The following RSPO2 variants were observed in gnomAD, a reference collection of about 807,000 sequenced individuals.
RSPO2 encodes the protein R-spondin-2.
In RSPO2, 14 loss-of-function variants were observed where a neutral mutation model predicts 30.9. That is an observed-to-expected ratio of 0.45 (90% CI 0.30 to 0.71). The LOEUF is 0.71. RSPO2 is among the 30% of genes least tolerant of loss of function. The probability of loss-of-function intolerance (pLI) is 0.08; values close to 1 mark genes in which losing one functional copy is unlikely to be tolerated. For synonymous variants in RSPO2, 107 were observed against 96.4 expected (o/e 1.11, Z -0.64); for missense variants, 264 against 301.9 (o/e 0.87, Z 0.93).
At chr8:107,999,615 A>C (rs1413410272) in intron 2 of RSPO2, among the ~76,000 whole-genome samples, 2 of 151,998 alleles carry the variant, frequency 1.3e-5, no homozygotes, top group Non-Finnish European at 2.9e-5. Flanking sequence ...TTGTATTTTT[A>C]GTAGAGACAA....
At chr8:108,074,945 A>C (rs866294621) in intron 2 of RSPO2, among the ~76,000 whole-genome samples, 1 of 152,274 alleles carries the variant, frequency 6.6e-6, no homozygotes, top group Middle Eastern at 3.4e-3. Flanking sequence ...CTTGTTCTAA[A>C]ATACACACAC....
chr8:107,915,970 C>T (rs1324923513), intron 5 of RSPO2, among the ~76,000 whole-genome samples: 2 of 152,044 alleles, frequency 1.3e-5, no homozygotes, highest in Admixed American at 6.6e-5. Context: ...GCTTTCCTGG[C>T]CCTGTTCTCC....
chr8:108,006,039 T>C (rs567671356), intron 2 of RSPO2, among the ~76,000 whole-genome samples: 6 of 152,154 alleles, frequency 3.9e-5, no homozygotes, highest in Non-Finnish European at 8.8e-5. Flanking sequence ...CTTTTTAGAA[T>C]AGCATACAGA....
At chr8:107,995,217 C>A (rs932579198) in intron 2 of RSPO2, among the ~76,000 whole-genome samples, 2 of 152,066 alleles carry the variant, frequency 1.3e-5, no homozygotes, top group African/African-American at 4.8e-5. Flanking sequence ...ACTTGAAAAC[C>A]TATCTATGCT....
chr8:107,951,187 C>T (rs1403903007), intron 5 of RSPO2, among the ~76,000 whole-genome samples: 1 of 151,932 alleles, frequency 6.6e-6, no homozygotes, highest in East Asian at 1.9e-4. Context: ...TCCCAAGTAG[C>T]TGGGATCACA....
At position 107,928,838 on chromosome 8, in the gene RSPO2, C is replaced by T. The variant is rs558795244; in HGVS notation, c.617-27648G>A. ...AAGGAAATTAAGTAAAAGTTTAGTC[C>T]GGTTCATGGCGTATTGTGAGCATCA... is the stretch of plus-strand genomic sequence containing the variant. On this transcript the variant is annotated intron_variant, in intron 5 of 5. Transcript: ENST00000276659. Among the ~76,000 whole-genome samples, 6 of 152,180 alleles carry T rather than the reference C, an allele frequency of 3.9e-5. 1 individual carries two copies. Among genetic ancestry groups the T allele is most frequent in the Non-Finnish European group, 7.4e-5 (5 of 68,004 alleles).
At chr8:107,973,269 CA>C (rs528087333) in intron 3 of RSPO2, among the ~76,000 whole-genome samples, 70 of 138,356 alleles carry the variant, frequency 5.1e-4, no homozygotes, top group Middle Eastern at 7.6e-3. Flanking sequence ...GACTCCATCT[CA>C]AAAAAAAAAA....
chr8:108,027,866 C>A (rs772718990), intron 2 of RSPO2, among the ~76,000 whole-genome samples: 13 of 152,174 alleles, frequency 8.5e-5, no homozygotes, highest in Non-Finnish European at 1.6e-4. Flanking sequence ...AACCTTCATA[C>A]CTTTCAAAAA....
intron 5 of RSPO2, among the ~76,000 whole-genome samples, chr8:107,954,811 A>G (rs1317183564): frequency 1.3e-5 from 2 of 151,900 alleles, no homozygotes; most frequent in African/African-American, 4.8e-5. Context: ...GGGTTTCACC[A>G]TGTTGGCCAG....
chr8:108,033,424 C>G (rs1755479411), intron 2 of RSPO2, among the ~76,000 whole-genome samples: 1 of 152,180 alleles, frequency 6.6e-6, no homozygotes, highest in African/African-American at 2.4e-5. Context: ...TTCCTCCCCT[C>G]TAAGCCACTG....
intron 2 of RSPO2, among the ~76,000 whole-genome samples, chr8:108,028,018 C>T (rs1302628308): frequency 1.3e-5 from 2 of 152,168 alleles, no homozygotes; most frequent in South Asian, 4.1e-4. Flanking sequence ...AGCCATTCTA[C>T]ATATTCTACC....
intron 5 of RSPO2, among the ~76,000 whole-genome samples, chr8:107,956,544 G>A (rs1400321821): frequency 1.3e-5 from 2 of 152,192 alleles, no homozygotes; most frequent in Non-Finnish European, 2.9e-5. Flanking sequence ...CAATCTAGCT[G>A]TAATCTAGAA....
At chr8:108,012,933 T>C (rs1353974884) in intron 2 of RSPO2, among the ~76,000 whole-genome samples, 1 of 152,204 alleles carries the variant, frequency 6.6e-6, no homozygotes, top group Non-Finnish European at 1.5e-5. Flanking sequence ...CTGGCACAGA[T>C]CAGAGCCTAA....
chr8:107,963,879 T>C (rs765994861), intron 3 of RSPO2, among the ~76,000 whole-genome samples: 22 of 152,150 alleles, frequency 1.4e-4, no homozygotes, highest in Non-Finnish European at 2.8e-4. Context: ...TTTGAGTGCA[T>C]GAATTATACC....
intron 5 of RSPO2, among the ~76,000 whole-genome samples, chr8:107,932,321 G>A (rs1435707493): frequency 1.3e-5 from 2 of 152,140 alleles, no homozygotes; most frequent in African/African-American, 2.4e-5. Context: ...TAATCTCGGA[G>A]GAGTTTCGGG....
chr8:107,966,785 A>T (rs572792171), intron 3 of RSPO2, among the ~76,000 whole-genome samples: 14 of 152,328 alleles, frequency 9.2e-5, no homozygotes, highest in Admixed American at 2.6e-4. Flanking sequence ...AGAAAAGTAA[A>T]TCCTTAAAAG....
At chr8:107,929,810 G>T (rs531985920) in intron 5 of RSPO2, among the ~76,000 whole-genome samples, 13 of 152,002 alleles carry the variant, frequency 8.6e-5, no homozygotes, top group Admixed American at 3.3e-4. Context: ...TTTCTACCAT[G>T]AAGAAAAATG....
At chr8:107,957,269 C>G (rs1383286637) in intron 5 of RSPO2, among the ~76,000 whole-genome samples, 2 of 152,174 alleles carry the variant, frequency 1.3e-5, no homozygotes, top group Admixed American at 1.3e-4. Context: ...CCAAACACAA[C>G]TTTCTTTTTT....
chr8:108,055,025 G>A (rs1158685992), intron 2 of RSPO2, among the ~76,000 whole-genome samples: 1 of 152,198 alleles, frequency 6.6e-6, no homozygotes, highest in Non-Finnish European at 1.5e-5. Flanking sequence ...GGGGGCTGAG[G>A]TGGGAGGATC....
Sources: allele counts gnomAD v4.1 joint callset (sites outside exome capture counted in the v4.1 genomes callset), GRCh38; gene constraint gnomAD v4.1.1; transcripts MANE v1.5; gene names NCBI Gene and HGNC (gene_info 2026-07-23, HGNC 2026-07-21).